GPHN: variants seen among roughly 807,000 people sequenced by gnomAD.
The protein encoded by GPHN is gephyrin.
Under a neutral mutation model 95.5 loss-of-function variants are expected in GPHN, and 17 were observed. That is an observed-to-expected ratio of 0.18 (90% confidence interval 0.12 to 0.27). The LOEUF is 0.27. Among genes scored for constraint, GPHN ranks in the 10% least tolerant of loss-of-function variants. GPHN has a pLI of 1.00. For missense variants in GPHN, 660 were observed against 978.1 expected (o/e 0.67, Z 4.34); for synonymous variants, 320 against 322.5 (o/e 0.99, Z 0.08).
intron 1 of GPHN, among the ~76,000 whole-genome samples, chr14:66,545,993 A>G (rs1185356544): frequency 7.2e-6 from 1 of 139,782 alleles, no homozygotes; most frequent in African/African-American, 2.7e-5. Context: ...TTCGGGGGGG[A>G]GGGGCTCCTC....
At chr14:67,068,217 A>T (rs2076144333) in intron 11 of GPHN, among the ~76,000 whole-genome samples, 1 of 152,210 alleles carries the variant, frequency 6.6e-6, no homozygotes, top group Admixed American at 6.5e-5. Flanking sequence ...CAATGTAAAC[A>T]TTATTCTTAT....
At chr14:66,908,778 C>G (rs1257801390) in intron 5 of GPHN, among the ~76,000 whole-genome samples, 2 of 151,776 alleles carry the variant, frequency 1.3e-5, no homozygotes, top group African/African-American at 4.8e-5. Context: ...TAGTCTTCTT[C>G]CAAAAATCCC....
In GPHN at chr14:66,677,059, C is replaced by G. The variant is rs144513887; in HGVS notation, c.65-4048C>G. ...AATGTATCCATTTAATATAAGTTTT[C>G]TAATTTCTTAGTGTGCAGTTGTTCA... On this transcript the variant is annotated intron_variant, in intron 1 of 22. Coordinates refer to ENST00000478722, the MANE Select transcript of GPHN (RefSeq NM_020806.5). Among the ~76,000 whole-genome samples the G allele has an allele frequency of 3.0e-3, 456 of 152,102 alleles. 3 individuals are homozygous for G. The highest frequency in any genetic ancestry group is 0.011 in the African/African-American group (438 of 41,538).
the GPHN span, among the ~76,000 whole-genome samples, chr14:67,468,830 G>T: frequency 6.6e-6 from 1 of 152,112 alleles, no homozygotes; most frequent in Non-Finnish European, 1.5e-5. Flanking sequence ...GGGAGGCGGA[G>T]GTTGCAGTGA....
the GPHN span, among the ~76,000 whole-genome samples, chr14:67,347,916 CTT>C: frequency 0.16 from 22,980 of 146,112 alleles, 3,302 homozygotes; most frequent in East Asian, 0.42. Flanking sequence ...AACTTGCCTT[CTT>C]TTTTTTTTTT....
intron 1 of GPHN, among the ~76,000 whole-genome samples, chr14:66,527,328 C>T (rs2058731467): frequency 6.6e-6 from 1 of 150,550 alleles, no homozygotes; most frequent in African/African-American, 2.4e-5. Flanking sequence ...TCCCCTTTAT[C>T]CCCTATTTGA....
chr14:66,663,865 A>G (rs1251065762), intron 1 of GPHN, among the ~76,000 whole-genome samples: 5 of 152,228 alleles, frequency 3.3e-5, no homozygotes, highest in African/African-American at 1.2e-4. Context: ...ACCAACAAAG[A>G]TCAATAAAGA....
At chr14:67,368,928 A>G in the GPHN span, among the ~76,000 whole-genome samples, 15 of 152,212 alleles carry the variant, frequency 9.9e-5, no homozygotes, top group Admixed American at 9.8e-4. Context: ...ATTCTAGAAA[A>G]CATTAACCTA....
At chr14:67,343,818 T>G in the GPHN span, among the ~76,000 whole-genome samples, 1 of 152,238 alleles carries the variant, frequency 6.6e-6, no homozygotes, top group Non-Finnish European at 1.5e-5. Context: ...ACTGTGCCAC[T>G]GTACTCCAGC....
At chr14:66,763,347 G>A (rs577466252) in intron 2 of GPHN, among the ~76,000 whole-genome samples, 1 of 145,078 alleles carries the variant, frequency 6.9e-6, no homozygotes, top group Non-Finnish European at 1.5e-5. Context: ...CCACTAACGT[G>A]TCATCTAGCA....
chr14:66,686,632 A>G (rs897157869), intron 2 of GPHN, among the ~76,000 whole-genome samples: 4 of 152,020 alleles, frequency 2.6e-5, no homozygotes, highest in Non-Finnish European at 5.9e-5. Context: ...TTTGCTTACC[A>G]GCTTAAGGAG....
the GPHN span, among the ~76,000 whole-genome samples, chr14:67,342,096 CTTGT>C: frequency 1.3e-5 from 2 of 151,956 alleles, no homozygotes; most frequent in African/African-American, 2.4e-5. Context: ...CCTTTGTTCA[CTTGT>C]TTATCTGCTG....
At chr14:67,721,496 C>T in the GPHN span, among the ~76,000 whole-genome samples, 8 of 152,094 alleles carry the variant, frequency 5.3e-5, no homozygotes, top group Non-Finnish European at 1.2e-4. Context: ...ATCCCCCTAC[C>T]TTGGGCTCTT....
chr14:67,165,117 A>G, intron 19 of GPHN, 45 bp from the exon 20 acceptor site: 2 of 1,298,858 alleles, frequency 1.5e-6, no homozygotes, highest in Non-Finnish European at 1.1e-6. Context: ...TGTATTCATC[A>G]TATTGCTTAG....
intron 1 of GPHN, among the ~76,000 whole-genome samples, chr14:66,676,605 A>G (rs1488547671): frequency 6.7e-6 from 1 of 150,236 alleles, no homozygotes; most frequent in African/African-American, 2.4e-5. Context: ...GATGTAGCAC[A>G]TCTATTGATT....
At chr14:67,728,704 G>GGT in the GPHN span, among the ~76,000 whole-genome samples, 1 of 8,362 alleles carries the variant, frequency 1.2e-4, no homozygotes, top group African/African-American at 1.9e-4. Context: ...GATATCTTGT[G>GGT]GGGGGGGGGT....
chr14:67,617,930 G>A, the GPHN span, among the ~76,000 whole-genome samples: 3 of 152,024 alleles, frequency 2.0e-5, no homozygotes, highest in East Asian at 1.9e-4. Flanking sequence ...TGTTGGTCAG[G>A]CTGGTCTCAA....
At chr14:66,536,059 T>C (rs2059130822) in intron 1 of GPHN, among the ~76,000 whole-genome samples, 1 of 152,184 alleles carries the variant, frequency 6.6e-6, no homozygotes, top group Admixed American at 6.6e-5. Context: ...TTGTAAGTTT[T>C]ATAGGTAACC....
intron 1 of GPHN, among the ~76,000 whole-genome samples, chr14:66,519,778 C>T (rs1395544695): frequency 6.6e-6 from 1 of 152,062 alleles, no homozygotes; most frequent in Non-Finnish European, 1.5e-5. Flanking sequence ...TAGTGGTTAA[C>T]TTTATTGAGA....
Sources: allele counts gnomAD v4.1 joint callset (sites outside exome capture counted in the v4.1 genomes callset), GRCh38; gene constraint gnomAD v4.1.1; transcripts MANE v1.5; gene names NCBI Gene and HGNC (gene_info 2026-07-23, HGNC 2026-07-21).